Variants in KCNH1 observed in about 807,000 individuals in gnomAD.
KCNH1 encodes the protein voltage-gated delayed rectifier potassium channel KCNH1.
In KCNH1, 27 loss-of-function variants were observed where a neutral mutation model predicts 69.2. The ratio of observed to expected loss-of-function variants is 0.39; its 90% confidence interval spans 0.29 to 0.54. KCNH1 has a LOEUF of 0.54. KCNH1 is among the 20% of genes least tolerant of loss of function. The pLI is 0.68. For missense variants in KCNH1, 798 were observed against 1,261.6 expected (o/e 0.63, Z 5.57); for synonymous variants, 456 against 487.7 (o/e 0.93, Z 0.86).
At chr1:210,730,435 C>T (rs925848832) in intron 10 of KCNH1, among the ~76,000 whole-genome samples, 1 of 152,120 alleles carries the variant, frequency 6.6e-6, no homozygotes, top group African/African-American at 2.4e-5. Context: ...ACACCATTCA[C>T]CAGATGACCT....
At chr1:210,832,907 C>CATACATAT (rs1553349178) in intron 7 of KCNH1, among the ~76,000 whole-genome samples, 1 of 110,638 alleles carries the variant, frequency 9.0e-6, no homozygotes, top group South Asian at 3.2e-4. Context: ...TTCTCAAATA[C>CATACATAT]ATATATATAT....
At chr1:211,088,997 CAT>C (rs57594091) in intron 4 of KCNH1, among the ~76,000 whole-genome samples, 2,871 of 152,294 alleles carry the variant, frequency 0.019, 100 homozygotes, top group African/African-American at 0.065. Context: ...CAGGCACCTA[CAT>C]GCCAGGTACG....
chr1:210,867,207 A>G (rs1400361935), intron 7 of KCNH1, among the ~76,000 whole-genome samples: 1 of 151,906 alleles, frequency 6.6e-6, no homozygotes, highest in Non-Finnish European at 1.5e-5. Flanking sequence ...TGGTTGCACA[A>G]CTCAATAATA....
intron 6 of KCNH1, among the ~76,000 whole-genome samples, chr1:210,955,639 T>G (rs1381049906): frequency 2.0e-5 from 3 of 152,202 alleles, no homozygotes; most frequent in Non-Finnish European, 4.4e-5. Context: ...GATGGATTCC[T>G]AGGTATTTTA....
intron 7 of KCNH1, among the ~76,000 whole-genome samples, chr1:210,847,655 C>T (rs554257850): frequency 2.9e-3 from 435 of 151,716 alleles, no homozygotes; most frequent in Non-Finnish European, 5.2e-3. Context: ...GGGTGCAGCA[C>T]GCCAAGATGG....
chr1:210,848,293 G>A (rs1208493765), intron 7 of KCNH1, among the ~76,000 whole-genome samples: 6 of 152,058 alleles, frequency 3.9e-5, no homozygotes, highest in South Asian at 2.1e-4. Flanking sequence ...AATTGGGTAC[G>A]TGAACCATTG....
intron 6 of KCNH1, among the ~76,000 whole-genome samples, chr1:210,970,992 C>T (rs1688501838): frequency 6.6e-6 from 1 of 152,118 alleles, no homozygotes; most frequent in Non-Finnish European, 1.5e-5. Flanking sequence ...AGGACATGAA[C>T]AGACACTTCT....
intron 1 of KCNH1, among the ~76,000 whole-genome samples, chr1:211,122,130 C>T (rs867362028): frequency 4.0e-5 from 6 of 151,086 alleles, no homozygotes; most frequent in East Asian, 3.9e-4. Context: ...AGTGAGACTC[C>T]GTCTCAAAAA....
At chr1:210,709,671 G>A (rs1682004559) in intron 10 of KCNH1, among the ~76,000 whole-genome samples, 2 of 151,566 alleles carry the variant, frequency 1.3e-5, no homozygotes, top group Non-Finnish European at 2.9e-5. Flanking sequence ...CAGATAGACG[G>A]AAAGAAAGAG....
rs150271758 is a variant in KCNH1, at chr1:210,719,736, T to A, written c.2113-35598A>T. On this transcript the variant is annotated intron_variant, in intron 10 of 10. Transcript: ENST00000271751. ...TAAAAAAAAAATAAGATCATTTTTC[T>A]TGCATAACTCAATATGTGGAATAAG... 7.2e-5 allele frequency among the ~76,000 whole-genome samples: 11 copies of A among 152,314 alleles called. No homozygotes were observed. The East Asian group carries it at 2.1e-3, about 29-fold the overall frequency.
intron 10 of KCNH1, among the ~76,000 whole-genome samples, chr1:210,746,813 C>T (rs2149040204): frequency 6.6e-6 from 1 of 152,268 alleles, no homozygotes; most frequent in Non-Finnish European, 1.5e-5. Flanking sequence ...TTCCAAAGTC[C>T]TGGGATTACA....
intron 7 of KCNH1, among the ~76,000 whole-genome samples, chr1:210,913,857 G>A (rs1687285291): frequency 6.6e-6 from 1 of 152,150 alleles, no homozygotes; most frequent in Admixed American, 6.5e-5. Flanking sequence ...CCTTCCCAGT[G>A]TGGCTAGGTT....
chr1:210,903,933 G>T (rs541726274), intron 7 of KCNH1, among the ~76,000 whole-genome samples: 2 of 152,070 alleles, frequency 1.3e-5, no homozygotes, highest in East Asian at 1.9e-4. Flanking sequence ...TCCCATTCTC[G>T]CCCCTAAGAG....
chr1:211,069,018 T>C (rs10863876), intron 5 of KCNH1, among the ~76,000 whole-genome samples: 59,997 of 152,092 alleles, frequency 0.39, 12,356 homozygotes, highest in South Asian at 0.47. Context: ...CTTGTGCTTC[T>C]GGCAGCAGGA....
chr1:210,969,552 A>G (rs1221473190), intron 6 of KCNH1, among the ~76,000 whole-genome samples: 2 of 152,052 alleles, frequency 1.3e-5, no homozygotes, highest in Non-Finnish European at 2.9e-5. Context: ...TAAGTTTTCA[A>G]ACATACTGCT....
At chr1:211,044,181 C>G (rs1426292333) in intron 5 of KCNH1, among the ~76,000 whole-genome samples, 2 of 152,116 alleles carry the variant, frequency 1.3e-5, no homozygotes, top group Non-Finnish European at 2.9e-5. Context: ...TGATTGTATA[C>G]CTAGAAAACC....
intron 7 of KCNH1, among the ~76,000 whole-genome samples, chr1:210,916,886 G>A (rs1305999002): frequency 2.0e-5 from 3 of 152,022 alleles, no homozygotes; most frequent in South Asian, 2.1e-4. Context: ...AGTGGCTCAC[G>A]CATGTAATCC....
At chr1:211,003,618 T>C (rs1689227958) in intron 6 of KCNH1, among the ~76,000 whole-genome samples, 1 of 151,718 alleles carries the variant, frequency 6.6e-6, no homozygotes, top group African/African-American at 2.4e-5. Context: ...AGGTATAGGA[T>C]AATAAAACTA....
At chr1:211,131,460 G>C (rs1558617544) in intron 1 of KCNH1, among the ~76,000 whole-genome samples, 2 of 152,130 alleles carry the variant, frequency 1.3e-5, no homozygotes, top group South Asian at 4.1e-4. Context: ...TCAGTTTTCT[G>C]ATCTGTAAAA....
Sources: allele counts gnomAD v4.1 joint callset (sites outside exome capture counted in the v4.1 genomes callset), GRCh38; gene constraint gnomAD v4.1.1; transcripts MANE v1.5; gene names NCBI Gene and HGNC (gene_info 2026-07-23, HGNC 2026-07-21).